PRCC: variants seen among roughly 807,000 people sequenced by gnomAD.
The protein encoded by PRCC is proline-rich protein PRCC.
Under a neutral mutation model 44.0 loss-of-function variants are expected in PRCC, and 10 were observed. The ratio of observed to expected loss-of-function variants is 0.23; its 90% confidence interval spans 0.14 to 0.39. The LOEUF is 0.39. PRCC is among the 10% of genes least tolerant of loss of function. The probability of loss-of-function intolerance (pLI) is 1.00; values close to 1 mark genes in which losing one functional copy is unlikely to be tolerated. For synonymous variants in PRCC, 278 were observed against 259.5 expected (o/e 1.07, Z -0.69); for missense variants, 573 against 624.7 (o/e 0.92, Z 0.88).
At chr1:156,774,059 G>T (rs765684727) in intron 1 of PRCC, among the ~76,000 whole-genome samples, 2 of 150,226 alleles carry the variant, frequency 1.3e-5, no homozygotes, top group Non-Finnish European at 3.0e-5. Context: ...AATTCATAGA[G>T]ATGGAAAGTG....
chr1:156,793,816 T>TG (rs1652569989), intron 4 of PRCC, among the ~76,000 whole-genome samples: 1 of 151,894 alleles, frequency 6.6e-6, no homozygotes, highest in East Asian at 1.9e-4. Flanking sequence ...TTTATAGAGA[T>TG]GGGGTCTCAC....
At chr1:156,791,538 T>C (rs1652472641) in intron 3 of PRCC, 159 bp from the exon 4 acceptor site, 1 of 636,544 alleles carries the variant, frequency 1.6e-6, no homozygotes, top group South Asian at 2.1e-5. Context: ...GGTCGGTCCT[T>C]GGGATCTATG....
At chr1:156,797,534 T>A (rs1202774279) in intron 6 of PRCC, among the ~76,000 whole-genome samples, 193 bp downstream of exon 6, 1 of 152,204 alleles carries the variant, frequency 6.6e-6, no homozygotes, top group African/African-American at 2.4e-5. Context: ...TACTTCAGTC[T>A]CAATGCAGAT....
chr1:156,788,616 G>A (rs529630416), intron 3 of PRCC, among the ~76,000 whole-genome samples: 2 of 151,048 alleles, frequency 1.3e-5, no homozygotes, highest in East Asian at 1.9e-4. Context: ...ATTCCCATCC[G>A]CAGTGTATAA....
Position 156,768,016 on chromosome 1 carries a change from C to A in PRCC, c.245C>A (p.Pro82His), listed in dbSNP as rs764367407. ...TGDPRLQPPP[P>H]LPFGLGGFPP... ...GACCCCAGGCTTCAGCCTCCTCCCC[C>A]CTTGCCCTTCGGCCTGGGAGGCTTC... The change falls in exon 1 of 7, where the codon CCC becomes CAC. Residue 82 changes from proline to histidine, a missense_variant. Physicochemically the swap from Pro to His is moderately conservative, Grantham distance 77. This residue lies in a region of PRCC where 245 missense variants were observed against 188.5 expected (regional missense o/e 1.30). Coordinates refer to ENST00000271526, the MANE Select transcript of PRCC (RefSeq NM_005973.5). 3.5e-5 allele frequency: 55 copies of A among 1,569,778 alleles called. No individual in the cohort carries two copies. Among genetic ancestry groups the A allele is most frequent in the Non-Finnish European group, 4.7e-5 (54 of 1,156,332 alleles).
chr1:156,796,181 C>T (rs3765783), intron 5 of PRCC: 97,852 of 152,118 alleles, frequency 0.64, 31,963 homozygotes, highest in East Asian at 0.83. Context: ...TAATGCTCAC[C>T]GTGGGCCAGG....
At chr1:156,770,498 C>T in intron 1 of PRCC, among the ~76,000 whole-genome samples, 1 of 152,234 alleles carries the variant, frequency 6.6e-6, no homozygotes, top group East Asian at 1.9e-4. Flanking sequence ...CATCAGCCTC[C>T]CGAGTAGCTG....
rs768798161 is a variant in PRCC, at chr1:156,782,341, G to T, written c.516+12G>T. The T allele has an allele frequency of 1.3e-6, 2 of 1,593,062 alleles. No homozygotes were observed. Among genetic ancestry groups the T allele is most frequent in the African/African-American group, 2.7e-5 (2 of 74,488 alleles). ...AAACTATCCTTCAGGTAAGCATTGTGATATAAACCATTTTTTTTCTCTTCC... is the reference window on the plus strand; with the variant it reads ...AAACTATCCTTCAGGTAAGCATTGTTATATAAACCATTTTTTTTCTCTTCC... On this transcript the variant is annotated intron_variant, in intron 2 of 6. Transcript: ENST00000271526.
At chr1:156,779,141 T>TG (rs1651951568) in intron 1 of PRCC, among the ~76,000 whole-genome samples, 1 of 64,770 alleles carries the variant, frequency 1.5e-5, no homozygotes, top group Non-Finnish European at 2.8e-5. Context: ...TTTTTTTTTT[T>TG]TTTTTTTTTT....
At chr1:156,786,496 G>T in intron 2 of PRCC, 112 bp from the exon 3 acceptor site, 1 of 1,133,832 alleles carries the variant, frequency 8.8e-7, no homozygotes. Flanking sequence ...ACAAGGGCTG[G>T]TAAGATTTTA....
At chr1:156,791,476 C>T in intron 3 of PRCC, 1 of 567,534 alleles carries the variant, frequency 1.8e-6, no homozygotes, top group Non-Finnish European at 3.1e-6. Flanking sequence ...AAATATCCAT[C>T]TGTCTGGATA....
intron 3 of PRCC, 31 bp from the exon 4 acceptor site, chr1:156,791,662 CAGTT>C: frequency 6.3e-7 from 1 of 1,585,592 alleles, no homozygotes; most frequent in Non-Finnish European, 8.6e-7. Flanking sequence ...ACTGTGCCCT[CAGTT>C]GGTGTGTTTT....
At chr1:156,778,910 C>T (rs968091042) in intron 1 of PRCC, among the ~76,000 whole-genome samples, 1 of 150,472 alleles carries the variant, frequency 6.6e-6, no homozygotes, top group African/African-American at 2.4e-5. Flanking sequence ...AGCGATTCTC[C>T]TACCTTAGCC....
At chr1:156,772,813 G>C (rs1272362831) in intron 1 of PRCC, among the ~76,000 whole-genome samples, 1 of 152,192 alleles carries the variant, frequency 6.6e-6, no homozygotes. Flanking sequence ...TTATCTGTGT[G>C]GGGCACCTGC....
chr1:156,791,328 G>C, intron 3 of PRCC: 1 of 513,306 alleles, frequency 1.9e-6, no homozygotes. Flanking sequence ...GCTCATTGGG[G>C]TCTTATGAGC....
In PRCC at chr1:156,787,034, G is replaced by A. The variant is rs142005569; in HGVS notation, c.943G>A (p.Asp315Asn). The change falls in exon 3 of 7, where the codon GAT becomes AAT. Residue 315 changes from aspartate to asparagine, a missense_variant. This residue lies in a region of PRCC where 141 missense variants were observed against 130.2 expected (regional missense o/e 1.08). Transcript: ENST00000271526. ...GTEPEPAFQD[D>N]AANAPLEFKM... ...GGAACCAGAGCCGGCTTTCCAGGACGATGCAGCCAATGCCCCCCTTGAATT... is the reference window on the plus strand; with the variant it reads ...GGAACCAGAGCCGGCTTTCCAGGACAATGCAGCCAATGCCCCCCTTGAATT... 5 of 1,614,116 alleles carry A rather than the reference G, an allele frequency of 3.1e-6. No individual in the cohort carries two copies. In the Admixed American group the frequency reaches 5.0e-5, roughly 16 times the overall value.
intron 1 of PRCC, among the ~76,000 whole-genome samples, chr1:156,772,122 G>A (rs1415396351): frequency 1.3e-5 from 2 of 152,162 alleles, no homozygotes; most frequent in African/African-American, 2.4e-5. Flanking sequence ...GCCTCCCAAA[G>A]TGCTGGGATT....
At chr1:156,790,554 C>T (rs540688261) in intron 3 of PRCC, among the ~76,000 whole-genome samples, 40 of 152,248 alleles carry the variant, frequency 2.6e-4, no homozygotes, top group African/African-American at 8.4e-4. Context: ...ACCCAGGAGG[C>T]GAGGTTGCAG....
chr1:156,768,750 T>C (rs1651514631), intron 1 of PRCC, among the ~76,000 whole-genome samples: 1 of 152,200 alleles, frequency 6.6e-6, no homozygotes, highest in African/African-American at 2.4e-5. Context: ...CGAATATTTG[T>C]TTAGTGCAGA....
Sources: allele counts gnomAD v4.1 joint callset (sites outside exome capture counted in the v4.1 genomes callset), GRCh38; gene constraint gnomAD v4.1.1; regional missense constraint gnomAD v4.1.1; transcripts MANE v1.5; gene names NCBI Gene and HGNC (gene_info 2026-07-23, HGNC 2026-07-21).